The following COL24A1 variants were observed in gnomAD, a reference collection of about 807,000 sequenced individuals.
COL24A1 encodes the protein collagen alpha-1(XXIV) chain.
In COL24A1, 224 loss-of-function variants were observed where a neutral mutation model predicts 253.9. The ratio of observed to expected loss-of-function variants is 0.88; its 90% CI spans 0.79 to 0.99. The LOEUF is 0.99. Ranked by LOEUF, COL24A1 falls within the 50% of genes least tolerant of loss-of-function variation. The pLI, the probability that COL24A1 is intolerant of heterozygous loss-of-function variation, is 0.00. For synonymous variants in COL24A1, 685 were observed against 673.7 expected, an observed-to-expected ratio of 1.02 and a Z score of -0.26; for missense variants, 2,131 against 2,068.5, an observed-to-expected ratio of 1.03 and a Z score of -0.59.
At chr1:86,109,803 T>C (rs181456129) in intron 5 of COL24A1, among the ~76,000 whole-genome samples, 201 of 152,352 alleles carry the variant, frequency 1.3e-3, no homozygotes, top group Admixed American at 2.1e-3. Flanking sequence ...CTGAATGTTT[T>C]TCCCTTCAAA....
At chr1:85,956,076 C>T (rs570394957) in intron 24 of COL24A1, among the ~76,000 whole-genome samples, 101 of 152,228 alleles carry the variant, frequency 6.6e-4, no homozygotes, top group African/African-American at 1.9e-3. Flanking sequence ...AGACTTGGAA[C>T]GGAAGATAAA....
At chr1:85,890,114 T>C (rs1175629653) in intron 31 of COL24A1, among the ~76,000 whole-genome samples, 1 of 152,206 alleles carries the variant, frequency 6.6e-6, no homozygotes, top group African/African-American at 2.4e-5. Context: ...GTCCACTGTA[T>C]GCATATTCCA....
chr1:85,813,619 C>T (rs12759379), intron 47 of COL24A1, among the ~76,000 whole-genome samples: 3 of 132,528 alleles, frequency 2.3e-5, no homozygotes, highest in East Asian at 2.5e-4. Context: ...GGCGGGATCT[C>T]GGCTCACTGC....
intron 47 of COL24A1, among the ~76,000 whole-genome samples, chr1:85,795,391 T>G (rs565962336): frequency 6.6e-6 from 1 of 152,192 alleles, no homozygotes; most frequent in African/African-American, 2.4e-5. Flanking sequence ...AGCCGTCATA[T>G]TCTCATTAGG....
chr1:85,809,033 G>A (rs1672265653), intron 47 of COL24A1, among the ~76,000 whole-genome samples: 1 of 152,212 alleles, frequency 6.6e-6, no homozygotes, highest in Non-Finnish European at 1.5e-5. Flanking sequence ...TGATTCATGA[G>A]TCTGGTGGAG....
chr1:86,022,413 A>G, intron 17 of COL24A1, 120 bp from the exon 18 acceptor site: 5 of 1,370,200 alleles, frequency 3.6e-6, no homozygotes, highest in Non-Finnish European at 5.1e-6. Flanking sequence ...AAAAGTTTCA[A>G]ACAAGAACTT....
chr1:85,831,871 C>T (rs1675330968), intron 43 of COL24A1, among the ~76,000 whole-genome samples: 1 of 151,810 alleles, frequency 6.6e-6, no homozygotes, highest in South Asian at 2.1e-4. Flanking sequence ...ATAATTTTGG[C>T]AAAAAATGAT....
chr1:86,131,936 C>T (rs968494257), intron 2 of COL24A1, among the ~76,000 whole-genome samples: 3 of 152,216 alleles, frequency 2.0e-5, no homozygotes, highest in Non-Finnish European at 4.4e-5. Context: ...GGAATCGTCA[C>T]ACTGATTTCC....
At chr1:86,109,518 G>A (rs1008032697) in intron 5 of COL24A1, among the ~76,000 whole-genome samples, 2 of 152,144 alleles carry the variant, frequency 1.3e-5, no homozygotes, top group African/African-American at 4.8e-5. Flanking sequence ...AGCTTAATGA[G>A]CCTAAGCAAG....
At chr1:86,036,740 A>G (rs556620571) in intron 12 of COL24A1, among the ~76,000 whole-genome samples, 3 of 152,310 alleles carry the variant, frequency 2.0e-5, no homozygotes, top group Non-Finnish European at 2.9e-5. Context: ...GACAAAATAC[A>G]TATCTTTCCT....
intron 37 of COL24A1, among the ~76,000 whole-genome samples, chr1:85,865,027 AT>A (rs560615628): frequency 1.3e-5 from 2 of 151,458 alleles, no homozygotes; most frequent in Admixed American, 1.3e-4. Flanking sequence ...AAAATATACA[AT>A]TTTTTTTTCT....
chr1:85,986,666 GATA>G (rs1356276135), intron 20 of COL24A1, among the ~76,000 whole-genome samples: 1 of 151,754 alleles, frequency 6.6e-6, no homozygotes, highest in Non-Finnish European at 1.5e-5. Context: ...AATTAAATGA[GATA>G]ATGACTATAA....
intron 32 of COL24A1, among the ~76,000 whole-genome samples, chr1:85,880,605 G>T (rs574591309): frequency 6.6e-6 from 1 of 152,090 alleles, no homozygotes; most frequent in South Asian, 2.1e-4. Context: ...TTATTCCCTT[G>T]TTCTTAAAAG....
intron 20 of COL24A1, among the ~76,000 whole-genome samples, chr1:85,980,497 CA>C (rs1434151781): frequency 6.6e-6 from 1 of 152,158 alleles, no homozygotes; most frequent in Admixed American, 6.5e-5. Flanking sequence ...GATACAAAAT[CA>C]ATGGAGACAA....
chr1:85,757,274 A>C lies in COL24A1; in HGVS notation c.4437+4122T>G, dbSNP rs551203877. ...ATATGCTCATTATCCCTTAGACCAAACTATCCTACTTCTGGCAATTTGTCC... is the reference window on the plus strand; with the variant it reads ...ATATGCTCATTATCCCTTAGACCAACCTATCCTACTTCTGGCAATTTGTCC... On this transcript the variant is annotated intron_variant, in intron 55 of 59. Transcript: ENST00000370571. 3.3e-5 allele frequency among the ~76,000 whole-genome samples: 5 copies of C among 152,196 alleles called. No homozygotes were observed. The South Asian group carries it at 6.2e-4, about 19-fold the overall frequency.
intron 1 of COL24A1, chr1:86,155,724 C>T (rs1402564661): frequency 6.6e-6 from 1 of 152,338 alleles, no homozygotes; most frequent in Non-Finnish European, 1.5e-5. Context: ...AGCCTCGGCT[C>T]GGATGGGCAA....
intron 11 of COL24A1, among the ~76,000 whole-genome samples, chr1:86,048,663 T>G (rs917816844): frequency 7.2e-5 from 11 of 152,118 alleles, no homozygotes; most frequent in Non-Finnish European, 1.3e-4. Flanking sequence ...GCTAATTTTT[T>G]GTATTTTTAG....
intron 2 of COL24A1, among the ~76,000 whole-genome samples, chr1:86,145,819 G>C (rs983162768): frequency 7.9e-5 from 12 of 151,916 alleles, no homozygotes; most frequent in Non-Finnish European, 1.8e-4. Context: ...CCACCCCCAA[G>C]AACTCCCACT....
intron 37 of COL24A1, 56 bp from the exon 38 acceptor site, chr1:85,849,462 G>T: frequency 7.8e-7 from 1 of 1,274,150 alleles, no homozygotes; most frequent in Non-Finnish European, 1.1e-6. Flanking sequence ...ATGAGATGGA[G>T]TATTTGAATA....
Sources: gnomAD v4.1 joint callset for allele counts (sites outside exome capture counted in the v4.1 genomes callset) on GRCh38, gnomAD v4.1.1 for gene constraint, MANE v1.5 for transcripts, NCBI Gene and HGNC (gene_info 2026-07-23, HGNC 2026-07-21) for gene names.